Variants in MAGI1 observed in about 807,000 individuals in gnomAD.
MAGI1 encodes membrane-associated guanylate kinase, WW and PDZ domain-containing protein 1.
MAGI1 carries 58 observed loss-of-function variants against 139.9 expected under a neutral mutation model. The observed-to-expected ratio is 0.41, with a 90% CI of 0.34 to 0.52. MAGI1 has a LOEUF of 0.52. Among genes scored for constraint, MAGI1 ranks in the 20% least tolerant of loss-of-function variants. The pLI is 0.12. For missense variants in MAGI1, 1,874 were observed against 1,901.6 expected (o/e 0.99, Z 0.27); for synonymous variants, 812 against 737.9 (o/e 1.10, Z -1.63).
chr3:65,448,745 G>A (rs1259688368), intron 6 of MAGI1, among the ~76,000 whole-genome samples: 1 of 151,528 alleles, frequency 6.6e-6, no homozygotes, highest in East Asian at 1.9e-4. Context: ...AAGTCAAGGA[G>A]CTCAGAAATA....
intron 2 of MAGI1, among the ~76,000 whole-genome samples, chr3:65,514,555 A>G (rs1215174097): frequency 6.7e-6 from 1 of 149,318 alleles, no homozygotes; most frequent in Non-Finnish European, 1.5e-5. Context: ...AACACATGAA[A>G]AAATGCTCAT....
chr3:65,401,372 T>TCCCCCCCCCCCCCCCCCC, intron 13 of MAGI1, 67 bp downstream of exon 13: 7 of 778,286 alleles, frequency 9.0e-6, no homozygotes, highest in African/African-American at 1.8e-5. Flanking sequence ...CAGAGTACCC[T>TCCCCCCCCCCCCCCCCCC]CCCACCTCCA....
In MAGI1 at chr3:65,386,831, T is replaced by C. The variant is rs192039709; in HGVS notation, c.2417-3208A>G. On this transcript the variant is annotated intron_variant, in intron 14 of 22. Coordinates refer to ENST00000402939, the MANE Select transcript of MAGI1 (RefSeq NM_001033057.2). ...TTGGGTAATGCCAGTGACAATTCAA[T>C]AAAGCAGTCAAAAGACTTCCTTTGA... Among the ~76,000 whole-genome samples, 320 of 152,340 alleles carry C rather than the reference T, an allele frequency of 2.1e-3. 2 individuals are homozygous for C. Among genetic ancestry groups the C allele is most frequent in the African/African-American group, 7.1e-3 (294 of 41,578 alleles).
chr3:65,828,152 C>T (rs1203894073), intron 1 of MAGI1, among the ~76,000 whole-genome samples: 2 of 152,200 alleles, frequency 1.3e-5, no homozygotes, highest in African/African-American at 4.8e-5. Context: ...AGGCTTGAGT[C>T]TGGAATGATT....
intron 18 of MAGI1, among the ~76,000 whole-genome samples, chr3:65,369,362 A>C (rs1457577715): frequency 6.6e-6 from 1 of 152,214 alleles, no homozygotes; most frequent in Non-Finnish European, 1.5e-5. Context: ...AGAAAGAATA[A>C]GGCTACCGAT....
chr3:65,670,298 A>G (rs1370683384), intron 1 of MAGI1, among the ~76,000 whole-genome samples: 1 of 151,716 alleles, frequency 6.6e-6, no homozygotes, highest in Non-Finnish European at 1.5e-5. Context: ...ATATATGCAT[A>G]TACATACATA....
intron 2 of MAGI1, among the ~76,000 whole-genome samples, chr3:65,599,662 TA>T (rs1268112504): frequency 6.6e-6 from 1 of 152,226 alleles, no homozygotes; most frequent in Non-Finnish European, 1.5e-5. Flanking sequence ...AGGTGCTCAC[TA>T]AATGTCACCT....
chr3:65,982,136 G>A (rs1358108375), intron 1 of MAGI1, among the ~76,000 whole-genome samples: 1 of 152,160 alleles, frequency 6.6e-6, no homozygotes, highest in African/African-American at 2.4e-5. Flanking sequence ...ATTTTGACCA[G>A]AGCTGGATTT....
At chr3:65,806,886 A>G (rs2040895144) in intron 1 of MAGI1, among the ~76,000 whole-genome samples, 1 of 152,174 alleles carries the variant, frequency 6.6e-6, no homozygotes, top group African/African-American at 2.4e-5. Flanking sequence ...AGACAGTGCA[A>G]TAACCATCCA....
intron 1 of MAGI1, among the ~76,000 whole-genome samples, chr3:65,991,300 A>AAAT (rs1237891860): frequency 7.7e-6 from 1 of 130,528 alleles, no homozygotes; most frequent in African/African-American, 3.5e-5. Flanking sequence ...AAAAAAAAAA[A>AAAT]AAAAGGTAAA....
At chr3:65,429,450 G>A (rs1053437434) in intron 12 of MAGI1, 70 bp downstream of exon 12, 10 of 1,434,332 alleles carry the variant, frequency 7.0e-6, no homozygotes, top group Non-Finnish European at 9.4e-6. Context: ...GTGGTCATCT[G>A]AAGATGAGTA....
At chr3:65,376,536 G>A (rs1363210853) in intron 17 of MAGI1, among the ~76,000 whole-genome samples, 4 of 152,172 alleles carry the variant, frequency 2.6e-5, no homozygotes, top group Non-Finnish European at 5.9e-5. Flanking sequence ...AATGATGAAA[G>A]CTTTAGAAAA....
chr3:66,023,808 C>G (rs566105692), intron 1 of MAGI1, among the ~76,000 whole-genome samples: 2 of 152,320 alleles, frequency 1.3e-5, no homozygotes, highest in African/African-American at 4.8e-5. Flanking sequence ...AGAATAGATT[C>G]TATTCCTGTA....
chr3:65,979,088 T>TTCCCCCCC (rs377493475), intron 1 of MAGI1, among the ~76,000 whole-genome samples: 4 of 52,988 alleles, frequency 7.5e-5, no homozygotes, highest in African/African-American at 2.8e-4. Flanking sequence ...TTTCTTTTCT[T>TTCCCCCCC]CCCCCCCCCC....
intron 7 of MAGI1, among the ~76,000 whole-genome samples, chr3:65,443,756 C>T (rs1948497712): frequency 6.6e-6 from 1 of 152,116 alleles, no homozygotes; most frequent in South Asian, 2.1e-4. Flanking sequence ...TTCCCTGATA[C>T]ACGTAGTCAA....
rs557504102 is a variant in MAGI1, at chr3:65,419,751, TCAGTTGGGGTCAGCAAATA to T, written c.2167+9750_2167+9768del. Among the ~76,000 whole-genome samples the T allele has an allele frequency of 9.4e-3, 1,423 of 152,160 alleles. 9 individuals are homozygous for T. Among genetic ancestry groups the T allele is most frequent in the Non-Finnish European group, 0.014 (979 of 67,996 alleles). ...TTGGCTCCCTCCCTTTTCCTTTCCT[TCAGTTGGGGTCAGCAAATA>T]CAGCCCATGGGACACATACAGTTTT... is the stretch of plus-strand genomic sequence containing the variant. On this transcript the variant is annotated intron_variant, in intron 12 of 22. Transcript: ENST00000402939.
intron 2 of MAGI1, among the ~76,000 whole-genome samples, chr3:65,495,511 G>A (rs1952365006): frequency 6.6e-6 from 1 of 152,036 alleles, no homozygotes; most frequent in Admixed American, 6.6e-5. Flanking sequence ...TATTTACTGA[G>A]GCCCCAACAC....
intron 2 of MAGI1, among the ~76,000 whole-genome samples, chr3:65,515,416 C>T (rs901601555): frequency 6.6e-6 from 1 of 151,810 alleles, no homozygotes; most frequent in South Asian, 2.1e-4. Flanking sequence ...GAAAATGAAA[C>T]ATCTAAGAAA....
At chr3:65,359,402 A>G in intron 22 of MAGI1, 1 of 1,269,876 alleles carries the variant, frequency 7.9e-7, no homozygotes. Context: ...GAACCCAGAC[A>G]ACGAATGCAT....
Sources: allele counts gnomAD v4.1 joint callset (sites outside exome capture counted in the v4.1 genomes callset), GRCh38; gene constraint gnomAD v4.1.1; transcripts MANE v1.5; gene names NCBI Gene and HGNC (gene_info 2026-07-23, HGNC 2026-07-21).